TESK2: variants seen among roughly 807,000 people sequenced by gnomAD.
The protein encoded by TESK2 is testis associated actin remodelling kinase 2.
Under a neutral mutation model 57.1 loss-of-function variants are expected in TESK2, and 39 were observed. The observed-to-expected ratio is 0.68, with a 90% CI of 0.53 to 0.89. The LOEUF (loss-of-function observed/expected upper bound fraction) is 0.89, where lower values mean the gene tolerates loss of function less well. Among genes scored for constraint, TESK2 ranks in the 40% least tolerant of loss-of-function variants. The probability of loss-of-function intolerance (pLI) is 0.00; values close to 1 mark genes in which losing one functional copy is unlikely to be tolerated. For missense variants in TESK2, 646 were observed against 732.1 expected (o/e 0.88, Z 1.36); for synonymous variants, 249 against 267.9 (o/e 0.93, Z 0.69).
intron 2 of TESK2, among the ~76,000 whole-genome samples, chr1:45,427,989 T>G (rs1650774108): frequency 6.6e-6 from 1 of 152,214 alleles, no homozygotes; most frequent in African/African-American, 2.4e-5. Flanking sequence ...ACACATTGTA[T>G]GGCTGTATCA....
intron 3 of TESK2, among the ~76,000 whole-genome samples, chr1:45,409,071 C>A (rs1649946866): frequency 6.6e-6 from 1 of 152,118 alleles, no homozygotes; most frequent in African/African-American, 2.4e-5. Flanking sequence ...GTGATGCAAA[C>A]TGGCTTGGTT....
chr1:45,394,708 T>TTTTTA (rs1553149041), intron 3 of TESK2, among the ~76,000 whole-genome samples: 4 of 142,408 alleles, frequency 2.8e-5, no homozygotes, highest in Non-Finnish European at 4.6e-5. Context: ...TTTTTTTTTT[T>TTTTTA]AAAGACAGAG....
chr1:45,488,991 C>A (rs890043538), intron 1 of TESK2, among the ~76,000 whole-genome samples: 2 of 152,010 alleles, frequency 1.3e-5, no homozygotes, highest in Non-Finnish European at 2.9e-5. Flanking sequence ...AGAGAAATCC[C>A]GTCTCTACAA....
At chr1:45,478,721 CTTTTT>C (rs772741820) in intron 1 of TESK2, among the ~76,000 whole-genome samples, 1 of 142,104 alleles carries the variant, frequency 7.0e-6, no homozygotes, top group Non-Finnish European at 1.6e-5. Context: ...TGGTTTTTAA[CTTTTT>C]TTTTTTTTTT....
intron 3 of TESK2, among the ~76,000 whole-genome samples, chr1:45,401,327 G>T (rs1203879075): frequency 6.6e-6 from 1 of 151,134 alleles, no homozygotes; most frequent in Non-Finnish European, 1.5e-5. Flanking sequence ...AACTTGGGAG[G>T]CGGAGATTGC....
chr1:45,392,000 C>T (rs1649161901), intron 3 of TESK2, among the ~76,000 whole-genome samples: 1 of 152,206 alleles, frequency 6.6e-6, no homozygotes, highest in Non-Finnish European at 1.5e-5. Flanking sequence ...GCTTCTGGAA[C>T]ATAATAAACA....
rs1057484632 is a variant in TESK2, at chr1:45,353,059, C to T, written c.540+2244G>A. On this transcript the variant is annotated intron_variant, in intron 5 of 10. Coordinates refer to ENST00000372086, the MANE Select transcript of TESK2 (RefSeq NM_007170.3). ...GATTACAGGCACCTGCCATCATGCCCGGCTAATTTTTGTATTTTAGTAGAG... is the reference window on the plus strand; with the variant it reads ...GATTACAGGCACCTGCCATCATGCCTGGCTAATTTTTGTATTTTAGTAGAG... Among the ~76,000 whole-genome samples, 5 of 152,154 alleles carry T rather than the reference C, an allele frequency of 3.3e-5. No individual in the cohort carries two copies. In the South Asian group the frequency reaches 6.2e-4, roughly 19 times the overall value.
At chr1:45,353,878 C>T (rs1647301704) in intron 5 of TESK2, among the ~76,000 whole-genome samples, 1 of 152,204 alleles carries the variant, frequency 6.6e-6, no homozygotes. Flanking sequence ...GGTCACACAG[C>T]AATTTGGACA....
At chr1:45,394,679 C>CTTTTTTTTTTTTT (rs5773871) in intron 3 of TESK2, among the ~76,000 whole-genome samples, 1 of 57,400 alleles carries the variant, frequency 1.7e-5, no homozygotes, top group African/African-American at 7.4e-5. Context: ...ACAGGAAACT[C>CTTTTTTTTTTTTT]TTTTTTTTTT....
chr1:45,438,799 A>C lies in TESK2; in HGVS notation c.223-16953T>G, dbSNP rs534737066. 3.8e-4 allele frequency among the ~76,000 whole-genome samples: 58 copies of C among 152,258 alleles called. 1 individual carries two copies. Among genetic ancestry groups the C allele is most frequent in the African/African-American group, 1.3e-3 (56 of 41,548 alleles). ...ATATGCAGTATTTGGTTTGATGAAA[A>C]CTTTTACAGTGAGATCTCAGAAAGG... On this transcript the variant is annotated intron_variant, in intron 2 of 10. Coordinates refer to ENST00000372086, the MANE Select transcript of TESK2 (RefSeq NM_007170.3).
At chr1:45,368,836 C>T (rs1239830596) in intron 4 of TESK2, among the ~76,000 whole-genome samples, 1 of 151,734 alleles carries the variant, frequency 6.6e-6, no homozygotes, top group Non-Finnish European at 1.5e-5. Flanking sequence ...GCAACCTCCA[C>T]CTCCTGGGTT....
intron 4 of TESK2, among the ~76,000 whole-genome samples, chr1:45,360,022 G>T (rs1204343076): frequency 6.6e-6 from 1 of 152,144 alleles, no homozygotes; most frequent in Admixed American, 6.6e-5. Context: ...ACCAGTTTTG[G>T]CAAGACAGAA....
At chr1:45,358,927 A>C (rs757698045) in intron 4 of TESK2, among the ~76,000 whole-genome samples, 1 of 152,214 alleles carries the variant, frequency 6.6e-6, no homozygotes, top group Admixed American at 6.5e-5. Flanking sequence ...AGAGAGCCTC[A>C]TGCAGCACAG....
chr1:45,413,000 C>T (rs927962906), intron 3 of TESK2, among the ~76,000 whole-genome samples: 1 of 151,872 alleles, frequency 6.6e-6, no homozygotes, highest in African/African-American at 2.4e-5. Flanking sequence ...GTCTTGGGGT[C>T]GTGGGGAGGT....
intron 5 of TESK2, among the ~76,000 whole-genome samples, chr1:45,350,940 C>T (rs1310569719): frequency 1.3e-5 from 2 of 152,240 alleles, no homozygotes; most frequent in African/African-American, 2.4e-5. Flanking sequence ...GTTCTCTTCA[C>T]TCTGAAAATT....
At chr1:45,469,918 T>TG (rs1450224521) in intron 1 of TESK2, among the ~76,000 whole-genome samples, 1 of 152,180 alleles carries the variant, frequency 6.6e-6, no homozygotes, top group African/African-American at 2.4e-5. Flanking sequence ...AATCCTGCAA[T>TG]GCACTAGAAA....
chr1:45,465,005 G>A (rs1020175729), intron 1 of TESK2, among the ~76,000 whole-genome samples: 1 of 152,168 alleles, frequency 6.6e-6, no homozygotes, highest in Non-Finnish European at 1.5e-5. Flanking sequence ...GGGAGGCCAA[G>A]GCAGGTAGAT....
At chr1:45,425,819 A>T (rs1650667449) in intron 2 of TESK2, among the ~76,000 whole-genome samples, 2 of 152,018 alleles carry the variant, frequency 1.3e-5, no homozygotes, top group South Asian at 4.2e-4. Context: ...AATCACAAAG[A>T]CCCAGAATCG....
intron 1 of TESK2, among the ~76,000 whole-genome samples, chr1:45,458,457 C>T (rs1652199921): frequency 6.6e-6 from 1 of 151,820 alleles, no homozygotes; most frequent in Non-Finnish European, 1.5e-5. Context: ...CTCAGCTACT[C>T]AGGAGGCTGA....
Sources: allele counts gnomAD v4.1 joint callset (sites outside exome capture counted in the v4.1 genomes callset), GRCh38; gene constraint gnomAD v4.1.1; transcripts MANE v1.5; gene names NCBI Gene and HGNC (gene_info 2026-07-23, HGNC 2026-07-21).